The following RERE variants were observed in gnomAD, a reference collection of about 807,000 sequenced individuals.
The protein encoded by RERE is arginine-glutamic acid dipeptide repeats protein.
RERE carries 40 observed loss-of-function variants against 146.1 expected under a neutral mutation model. The ratio of observed to expected loss-of-function variants is 0.27; its 90% CI spans 0.21 to 0.36. The LOEUF is 0.36. Ranked by LOEUF, RERE falls within the 10% of genes least tolerant of loss-of-function variation. The pLI, the probability that RERE is intolerant of heterozygous loss-of-function variation, is 1.00. For synonymous variants in RERE, 1,003 were observed against 866.0 expected, an observed-to-expected ratio of 1.16 and a Z score of -2.78; for missense variants, 1,933 against 2,138.7, an observed-to-expected ratio of 0.90 and a Z score of 1.90.
intron 1 of RERE, among the ~76,000 whole-genome samples, chr1:8,811,075 G>A (rs1364428948): frequency 1.3e-5 from 2 of 152,196 alleles, no homozygotes; most frequent in Non-Finnish European, 2.9e-5. Context: ...ATCAACAATA[G>A]CCGCCAGGCG....
At chr1:8,714,801 C>G (rs1639730694) in intron 1 of RERE, among the ~76,000 whole-genome samples, 1 of 151,960 alleles carries the variant, frequency 6.6e-6, no homozygotes, top group Admixed American at 6.6e-5. Context: ...GCATACAAAA[C>G]AAAACAAAGA....
chr1:8,555,430 G>A (rs187810073), intron 6 of RERE, among the ~76,000 whole-genome samples: 1 of 152,210 alleles, frequency 6.6e-6, no homozygotes, highest in Admixed American at 6.5e-5. Context: ...CCCTAAAGTT[G>A]CTACTAATTT....
At chr1:8,388,477 G>A (rs1342489304) in intron 12 of RERE, among the ~76,000 whole-genome samples, 5 of 152,184 alleles carry the variant, frequency 3.3e-5, no homozygotes, top group African/African-American at 9.6e-5. Context: ...CCGCCACCGC[G>A]CCCGGCTAAT....
intron 15 of RERE, among the ~76,000 whole-genome samples, chr1:8,363,132 CCA>C (rs1641656614): frequency 6.6e-6 from 1 of 152,380 alleles, no homozygotes; most frequent in Admixed American, 6.5e-5. Context: ...TGGAAATGAA[CCA>C]CACTTTCTGA....
chr1:8,466,034 A>C lies in RERE; in HGVS notation c.1105-11T>G. On this transcript the variant is annotated splice_polypyrimidine_tract_variant and intron_variant, in intron 10 of 22. Coordinates refer to ENST00000400908, the MANE Select transcript of RERE (RefSeq NM_001042681.2). ...ACCGCTTTCATGCAGCTAAAACAAC[A>C]ACAATTATAGTTAGCTAACTGCACC... The C allele has an allele frequency of 6.9e-6, 11 of 1,602,796 alleles. No homozygotes were observed. The highest frequency in any genetic ancestry group is 9.4e-6 in the Non-Finnish European group (11 of 1,171,452).
Position 8,356,071 on chromosome 1 carries a change from C to T in RERE, c.4486+29G>A. ...CCCCAACCCAACCCTCACACGGCCTCCCCGCCCCTCCTGGAGGGGAAGTCT... is the reference window on the plus strand; with the variant it reads ...CCCCAACCCAACCCTCACACGGCCTTCCCGCCCCTCCTGGAGGGGAAGTCT... On this transcript the variant is annotated intron_variant, in intron 21 of 22. Coordinates refer to ENST00000400908, the MANE Select transcript of RERE (RefSeq NM_001042681.2). This position sits in a 1 kb window ranked among gnomAD's most constrained non-coding sequence, Gnocchi z 5.2. 1 of 1,467,012 alleles carries T rather than the reference C, an allele frequency of 6.8e-7. No homozygotes were observed. Among genetic ancestry groups the T allele is most frequent in the South Asian group, 1.5e-5 (1 of 67,948 alleles). The allele number at this position is 1,467,012 out of a possible 1,614,324, so 90.9% of individuals were successfully genotyped here.
At chr1:8,506,177 G>T (rs1645247570) in intron 8 of RERE, among the ~76,000 whole-genome samples, 1 of 152,218 alleles carries the variant, frequency 6.6e-6, no homozygotes, top group African/African-American at 2.4e-5. Context: ...TAGAGAATGG[G>T]AGACGAAACT....
intron 12 of RERE, among the ~76,000 whole-genome samples, chr1:8,406,699 T>C (rs1643448271): frequency 1.3e-5 from 2 of 152,180 alleles, no homozygotes; most frequent in Admixed American, 1.3e-4. Context: ...ACACACAAAA[T>C]AAATTTGTGT....
At chr1:8,814,166 C>A (rs1208604058) in intron 1 of RERE, among the ~76,000 whole-genome samples, 1 of 152,144 alleles carries the variant, frequency 6.6e-6, no homozygotes, top group African/African-American at 2.4e-5. Context: ...TTAGAGATTA[C>A]TCTTGAAGTT....
rs532039947 is a variant in RERE, at chr1:8,699,407, T to C, written c.-144-42966A>G. ...CAGAGTTCAATGATAACATTAAAAA[T>C]TGAGTAAAATTATGCTAATTTTCCT... is the stretch of plus-strand genomic sequence containing the variant. On this transcript the variant is annotated intron_variant, in intron 1 of 22. Coordinates refer to ENST00000400908, the MANE Select transcript of RERE (RefSeq NM_001042681.2). Among the ~76,000 whole-genome samples, 14 of 152,326 alleles carry C rather than the reference T, an allele frequency of 9.2e-5. No individual in the cohort carries two copies. In the South Asian group the frequency reaches 2.9e-3, roughly 32 times the overall value.
intron 1 of RERE, among the ~76,000 whole-genome samples, chr1:8,732,808 CTTTTTTTTTTTTTTTTTT>C (rs59337140): frequency 8.2e-4 from 54 of 65,732 alleles, no homozygotes; most frequent in Non-Finnish European, 1.2e-3. Flanking sequence ...TTCAATTTTT[CTTTTTTTTTTTTTTTTTT>C]TTTTTTTTTG....
chr1:8,489,499 A>C (rs1046029640), intron 10 of RERE, among the ~76,000 whole-genome samples: 2 of 152,196 alleles, frequency 1.3e-5, no homozygotes, highest in East Asian at 1.9e-4. Flanking sequence ...TTGTAAAACA[A>C]ATTTTTTTAA....
At chr1:8,757,919 C>CACACACACACACACACAT (rs57264533) in intron 1 of RERE, among the ~76,000 whole-genome samples, 94 of 150,744 alleles carry the variant, frequency 6.2e-4, no homozygotes, top group Admixed American at 9.9e-4. Flanking sequence ...CATACACACA[C>CACACACACACACACACAT]ACACACACAC....
chr1:8,428,149 G>A (rs1173380924), intron 11 of RERE, among the ~76,000 whole-genome samples: 1 of 152,150 alleles, frequency 6.6e-6, no homozygotes, highest in African/African-American at 2.4e-5. Context: ...GGATGCCAAG[G>A]GTAAAGGAGG....
intron 1 of RERE, among the ~76,000 whole-genome samples, chr1:8,721,855 C>G (rs1315321903): frequency 1.3e-5 from 2 of 152,096 alleles, no homozygotes; most frequent in African/African-American, 2.4e-5. Context: ...TAACATAAAC[C>G]CTTATCTCTG....
chr1:8,537,211 AC>A (rs1230569207), intron 7 of RERE, among the ~76,000 whole-genome samples: 2 of 152,280 alleles, frequency 1.3e-5, no homozygotes, highest in East Asian at 3.9e-4. Context: ...CTCAAAACAA[AC>A]AAAAAAATAA....
intron 2 of RERE, among the ~76,000 whole-genome samples, chr1:8,645,248 G>A (rs1237008533): frequency 2.0e-5 from 3 of 152,182 alleles, no homozygotes; most frequent in Admixed American, 2.0e-4. Flanking sequence ...CACTTTAGAA[G>A]ATGCAAATTA....
At position 8,362,672 on chromosome 1, in the gene RERE, C is replaced by A; in HGVS notation, c.1902+11G>T. On this transcript the variant is annotated intron_variant, in intron 16 of 22. Transcript: ENST00000400908. ...GACAGAGTAGGCCCTACTATCCCCC[C>A]AGCACCTGACCTTGGCCGACTTCTT... is the stretch of plus-strand genomic sequence containing the variant. 1 of 1,614,224 alleles carries A rather than the reference C, an allele frequency of 6.2e-7. No homozygotes were observed. Among genetic ancestry groups the A allele is most frequent in the Non-Finnish European group, 8.5e-7 (1 of 1,180,026 alleles).
intron 10 of RERE, among the ~76,000 whole-genome samples, chr1:8,493,348 CT>C (rs1645002326): frequency 6.6e-6 from 1 of 152,202 alleles, no homozygotes; most frequent in African/African-American, 2.4e-5. Flanking sequence ...TCCCCACTAA[CT>C]ATCCTATCGA....
Sources: allele counts gnomAD v4.1 joint callset (sites outside exome capture counted in the v4.1 genomes callset), GRCh38; gene constraint gnomAD v4.1.1; non-coding constraint Gnocchi (gnomAD v3.1); transcripts MANE v1.5; gene names NCBI Gene and HGNC (gene_info 2026-07-23, HGNC 2026-07-21).